Variants in ZSCAN32 observed in about 807,000 individuals in gnomAD.
The protein encoded by ZSCAN32 is zinc finger and SCAN domain containing 32.
In ZSCAN32, 52 loss-of-function variants were observed where a neutral mutation model predicts 47.4. That is an observed-to-expected ratio of 1.10 (90% CI 0.88 to 1.38). The LOEUF (loss-of-function observed/expected upper bound fraction) is 1.38. Ranked by LOEUF, ZSCAN32 falls within the 40% of genes most tolerant of loss-of-function variation. The pLI is 0.00. For missense variants in ZSCAN32, 959 were observed against 846.0 expected (o/e 1.13, Z -1.66); for synonymous variants, 346 against 305.7 (o/e 1.13, Z -1.38).
At chr16:3,389,363 C>G (rs1251307543) in intron 5 of ZSCAN32, among the ~76,000 whole-genome samples, 1 of 152,212 alleles carries the variant, frequency 6.6e-6, no homozygotes, top group African/African-American at 2.4e-5. Flanking sequence ...CAGGAGTACC[C>G]TGCATGTGAA....
chr16:3,397,654 G>T lies in ZSCAN32; in HGVS notation c.-97C>A. On this transcript the variant is annotated 5_prime_UTR_variant, in exon 2 of 7. Coordinates refer to ENST00000396852, the MANE Select transcript of ZSCAN32 (RefSeq NM_001284527.2). ...ACTGGGAAGCCATGTTCTCCTGCAA[G>T]GAATGTCTTTCTGTAATCCGTGGGA... is the stretch of plus-strand genomic sequence containing the variant. 7.1e-7 allele frequency: 1 copy of T among 1,412,026 alleles called. No individual in the cohort carries two copies. The highest frequency in any genetic ancestry group is 9.3e-7 in the Non-Finnish European group (1 of 1,072,854). 87.5% of individuals were successfully genotyped at this position (1,412,026 alleles called of 1,614,324 possible). A position where few individuals can be genotyped will look rare whatever the true frequency, so the allele number is the denominator to read the frequency against.
chr16:3,393,044 C>G (rs1436441209), intron 3 of ZSCAN32, among the ~76,000 whole-genome samples: 2 of 146,092 alleles, frequency 1.4e-5, no homozygotes, highest in African/African-American at 2.6e-5. Context: ...TCTTTAGTAA[C>G]AGAATTGTAA....
At position 3,390,519 on chromosome 16, in the gene ZSCAN32, T is replaced by C; in HGVS notation, c.533-2A>G. The C allele has an allele frequency of 6.5e-7, 1 of 1,548,298 alleles. No individual in the cohort carries two copies. Among genetic ancestry groups the C allele is most frequent in the South Asian group, 1.2e-5 (1 of 83,962 alleles). On this transcript the variant is annotated splice_acceptor_variant, in intron 3 of 6. Transcript: ENST00000396852. LOFTEE classifies it high-confidence loss of function. ...TGGGAGCCTGAGGAGCAAGCCAGGC[T>C]GGGGGAAAAAACAGCCGCTATTAGA...
At chr16:3,385,205 A>G (rs915709806) in intron 5 of ZSCAN32, among the ~76,000 whole-genome samples, 1 of 152,142 alleles carries the variant, frequency 6.6e-6, no homozygotes, top group Non-Finnish European at 1.5e-5. Flanking sequence ...GTGTGCCTGT[A>G]GTCCCAGCTA....
intron 5 of ZSCAN32, among the ~76,000 whole-genome samples, chr16:3,388,377 G>A (rs1212877284): frequency 1.3e-5 from 2 of 152,124 alleles, no homozygotes; most frequent in Non-Finnish European, 2.9e-5. Flanking sequence ...CAGTGAGGGC[G>A]ACCCTGAGGA....
At position 3,397,626 on chromosome 16, in the gene ZSCAN32, A is replaced by T. The variant is rs2033501892; in HGVS notation, c.-69T>A. The T allele has an allele frequency of 1.4e-6, 2 of 1,439,842 alleles. No individual in the cohort carries two copies. Among genetic ancestry groups the T allele is most frequent in the East Asian group, 5.0e-5 (2 of 39,934 alleles). The allele number at this position is 1,439,842 out of a possible 1,614,324, so 89.2% of individuals were successfully genotyped here. A position where few individuals can be genotyped will look rare whatever the true frequency, so the allele number is the denominator to read the frequency against. On this transcript the variant is annotated 5_prime_UTR_variant, in exon 2 of 7. It removes an upstream start codon present in the reference 5' UTR. Coordinates refer to ENST00000396852, the MANE Select transcript of ZSCAN32 (RefSeq NM_001284527.2). ...GGAGATCAGAGTCCATCTTTCCCAC[A>T]TCACTGGGAAGCCATGTTCTCCTGC...
At chr16:3,400,136 T>G (rs144189256) in intron 1 of ZSCAN32, among the ~76,000 whole-genome samples, 1 of 152,218 alleles carries the variant, frequency 6.6e-6, no homozygotes, top group Non-Finnish European at 1.5e-5. Context: ...TTTTATATTT[T>G]AAAAATGGAT....
intron 3 of ZSCAN32, among the ~76,000 whole-genome samples, chr16:3,391,349 A>C (rs1484476549): frequency 6.6e-6 from 1 of 152,230 alleles, no homozygotes; most frequent in Non-Finnish European, 1.5e-5. Flanking sequence ...AAAGTTTATA[A>C]AGATGTTGAC....
chr16:3,383,521 T>G lies in ZSCAN32; in HGVS notation c.1425A>C (p.Lys475Asn), dbSNP rs771599986. Residue 475 changes from lysine (K) to asparagine (N), a missense_variant, in exon 7 of 7, where the codon AAA becomes AAC. Transcript: ENST00000396852. The stretch of plus-strand genomic sequence containing the variant: ...GACTCATCTTCTCCTGGGATGGGGT[T>G]TTCTCCTCACTCTCCCCTGGAGAAT... ...CRNSPGESEE[K>N]TPSQEKMSHQ... The G allele has an allele frequency of 6.2e-7, 1 of 1,614,050 alleles. No individual in the cohort carries two copies. The highest frequency in any genetic ancestry group is 1.3e-5 in the African/African-American group (1 of 75,022).
chr16:3,390,379 G>T, intron 4 of ZSCAN32, 44 bp downstream of exon 4: 2 of 1,500,060 alleles, frequency 1.3e-6, no homozygotes, highest in Non-Finnish European at 9.0e-7. Flanking sequence ...GTTTTGGGGT[G>T]AGAGTGGGTA....
At chr16:3,392,526 T>C (rs1258336986) in intron 3 of ZSCAN32, among the ~76,000 whole-genome samples, 1 of 152,044 alleles carries the variant, frequency 6.6e-6, no homozygotes, top group Non-Finnish European at 1.5e-5. Flanking sequence ...ATAATTTTTT[T>C]AGTTTAAAAA....
intron 1 of ZSCAN32, among the ~76,000 whole-genome samples, 184 bp downstream of exon 1, chr16:3,400,761 C>G (rs2033825601): frequency 6.6e-6 from 1 of 152,090 alleles, no homozygotes; most frequent in African/African-American, 2.4e-5. Flanking sequence ...ACGGTGGGAG[C>G]GGGGCACGGT....
chr16:3,390,888 T>C (rs1276617846), intron 3 of ZSCAN32, among the ~76,000 whole-genome samples: 1 of 152,136 alleles, frequency 6.6e-6, no homozygotes, highest in Non-Finnish European at 1.5e-5. Context: ...AGAATCGTAG[T>C]GGGCAAACAA....
chr16:3,383,568 T>C lies in ZSCAN32; in HGVS notation c.1378A>G (p.Thr460Ala), dbSNP rs1443062634. ...GAATTTCTACATTGCCTTCTTGATGTTGGCTCACTCTCCAAGCCTTTTTGT... is the reference window on the plus strand; with the variant it reads ...GAATTTCTACATTGCCTTCTTGATGCTGGCTCACTCTCCAAGCCTTTTTGT... ...ELQKGLESEP[T>A]SRRQCRNSPG... Residue 460 changes from threonine (T) to alanine (A), a missense_variant, in exon 7 of 7, where the codon ACA becomes GCA. Transcript: ENST00000396852. 3.1e-6 allele frequency: 5 copies of C among 1,614,168 alleles called. No homozygotes were observed. Among genetic ancestry groups the C allele is most frequent in the Middle Eastern group, 1.6e-4 (1 of 6,062 alleles).
chr16:3,390,072 C>T lies in ZSCAN32; in HGVS notation c.689G>A (p.Gly230Asp), dbSNP rs773192543. 6 of 1,613,944 alleles carry T rather than the reference C, an allele frequency of 3.7e-6. No homozygotes were observed. The highest frequency in any genetic ancestry group is 2.2e-5 in the East Asian group (1 of 44,894). Residue 230 changes from glycine to aspartate, a missense_variant, in exon 5 of 7, where the codon GGC becomes GAC. Physicochemically the swap from Gly to Asp is moderately conservative, Grantham distance 94 (BLOSUM62 -1). Coordinates refer to ENST00000396852, the MANE Select transcript of ZSCAN32 (RefSeq NM_001284527.2). ...SLCQQEWMCPGPAQRALYRGA... is the reference protein window; with the variant it reads ...SLCQQEWMCPDPAQRALYRGA... ...CCTGTAGAGGGCCCTTTGTGCAGGGCCTGGGCACATCCATTCTTGCTGACA... is the reference window on the plus strand; with the variant it reads ...CCTGTAGAGGGCCCTTTGTGCAGGGTCTGGGCACATCCATTCTTGCTGACA...
In ZSCAN32 at chr16:3,382,801, A is replaced by G; in HGVS notation, c.*51T>C. ...GCTAGATCTCTCCACAGCAGAAGAA[A>G]GCTCATACATGCTGACCTGAGGAAC... On this transcript the variant is annotated 3_prime_UTR_variant, in exon 7 of 7. Transcript: ENST00000396852. 5 of 1,520,558 alleles carry G rather than the reference A, an allele frequency of 3.3e-6. No homozygotes were observed. Among genetic ancestry groups the G allele is most frequent in the Non-Finnish European group, 4.4e-6 (5 of 1,134,218 alleles). The allele number at this position is 1,520,558 out of a possible 1,614,324, so 94.2% of individuals were successfully genotyped here.
chr16:3,391,623 G>A (rs1250582139), intron 3 of ZSCAN32, among the ~76,000 whole-genome samples: 3 of 148,296 alleles, frequency 2.0e-5, no homozygotes, highest in African/African-American at 7.5e-5. Flanking sequence ...AGGTTGCAGT[G>A]AGCCAACATC....
Position 3,384,954 on chromosome 16 carries a change from G to T in ZSCAN32, c.752-13C>A, listed in dbSNP as rs768865406. On this transcript the variant is annotated splice_polypyrimidine_tract_variant and intron_variant, in intron 5 of 6. Coordinates refer to ENST00000396852, the MANE Select transcript of ZSCAN32 (RefSeq NM_001284527.2). The stretch of plus-strand genomic sequence containing the variant: ...GGCACACCTGTTGCTGGGGGACAAA[G>T]AATAGGTCAATTAGATCTGTCAGTT... 6 of 1,605,926 alleles carry T rather than the reference G, an allele frequency of 3.7e-6. No individual in the cohort carries two copies. Among genetic ancestry groups the T allele is most frequent in the African/African-American group, 2.7e-5 (2 of 74,558 alleles).
At chr16:3,391,223 G>A (rs27238) in intron 3 of ZSCAN32, among the ~76,000 whole-genome samples, 39,921 of 152,080 alleles carry the variant, frequency 0.26, 5,373 homozygotes, top group Non-Finnish European at 0.28. Context: ...TAGCCTGGAA[G>A]GCAGCAAGTC....
Sources: allele counts gnomAD v4.1 joint callset (sites outside exome capture counted in the v4.1 genomes callset), GRCh38; gene constraint gnomAD v4.1.1; transcripts MANE v1.5; gene names NCBI Gene and HGNC (gene_info 2026-07-23, HGNC 2026-07-21).